Variants in GTPBP10 observed in about 807,000 individuals in gnomAD.
GTPBP10 encodes the protein GTP binding protein 10.
GTPBP10 carries 38 observed loss-of-function variants against 44.8 expected under a neutral mutation model. The observed-to-expected ratio is 0.85, with a 90% CI of 0.65 to 1.11. The LOEUF (loss-of-function observed/expected upper bound fraction) is 1.11, where lower values mean the gene tolerates loss of function less well. Among genes scored for constraint, GTPBP10 ranks in the 50% most tolerant of loss-of-function variants. GTPBP10 has a pLI of 0.00. For missense variants in GTPBP10, 462 were observed against 453.7 expected, an observed-to-expected ratio of 1.02 and a Z score of -0.17; for synonymous variants, 152 against 150.6, an observed-to-expected ratio of 1.01 and a Z score of -0.07.
rs1412011336 is a variant in GTPBP10 at position 90,385,913 on chromosome 7, C to T, written c.*759C>T. 1 of 152,074 alleles carries T rather than the reference C, an allele frequency of 6.6e-6. No individual in the cohort carries two copies. Among genetic ancestry groups the T allele is most frequent in the Non-Finnish European group, 1.5e-5 (1 of 68,028 alleles). 9.4% of individuals were successfully genotyped at this position (152,074 alleles called of 1,614,324 possible). A position where few individuals can be genotyped will look rare whatever the true frequency, so the allele number is the denominator to read the frequency against. ...TCTACTAAAAATATAAAAAATTAGCCAGGCATAGTGGCGCATGCCTGTTGT... is the reference window on the plus strand; with the variant it reads ...TCTACTAAAAATATAAAAAATTAGCTAGGCATAGTGGCGCATGCCTGTTGT... On this transcript the variant is annotated 3_prime_UTR_variant, in exon 10 of 10. Coordinates refer to ENST00000222511, the MANE Select transcript of GTPBP10 (RefSeq NM_033107.4).
intron 6 of GTPBP10, among the ~76,000 whole-genome samples, chr7:90,377,246 T>G (rs1796357198): frequency 6.6e-6 from 1 of 152,038 alleles, no homozygotes; most frequent in Non-Finnish European, 1.5e-5. Context: ...AATAAATAAA[T>G]AAACAAATGT....
chr7:90,352,466 C>A (rs1164132580), intron 1 of GTPBP10, among the ~76,000 whole-genome samples: 1 of 152,224 alleles, frequency 6.6e-6, no homozygotes, highest in East Asian at 1.9e-4. Flanking sequence ...AAATGTCTGA[C>A]AGATTGGACA....
At chr7:90,360,338 A>G (rs927219740) in intron 4 of GTPBP10, among the ~76,000 whole-genome samples, 1 of 152,206 alleles carries the variant, frequency 6.6e-6, no homozygotes, top group Non-Finnish European at 1.5e-5. Context: ...GAAGGGATCC[A>G]GTTTCAGCTT....
At chr7:90,363,084 A>T (rs1796060352) in intron 4 of GTPBP10, among the ~76,000 whole-genome samples, 1 of 151,686 alleles carries the variant, frequency 6.6e-6, no homozygotes, top group Non-Finnish European at 1.5e-5. Context: ...TTGACTCTTT[A>T]TCCAATTTGC....
Position 90,386,961 on chromosome 7 carries a change from T to C in GTPBP10, c.*1807T>C, listed in dbSNP as rs1187740932. The C allele has an allele frequency of 6.6e-6, 1 of 152,206 alleles. No homozygotes were observed. The highest frequency in any genetic ancestry group is 1.5e-5 in the Non-Finnish European group (1 of 68,040). The allele number at this position is 152,206 out of a possible 1,614,324, so 9.4% of individuals were successfully genotyped here. On this transcript the variant is annotated 3_prime_UTR_variant, in exon 10 of 10. Transcript: ENST00000222511. ...TACATTCTTGCAGAAATTTTTTATG[T>C]ATAAATTTTTACCCAAATGAATTCA...
rs1327902289 is a variant in GTPBP10 at position 90,388,020 on chromosome 7, A to C, written c.*2866A>C. The C allele has an allele frequency of 2.0e-5, 3 of 152,152 alleles. No individual in the cohort carries two copies. Among genetic ancestry groups the C allele is most frequent in the African/African-American group, 7.2e-5 (3 of 41,432 alleles). The allele number at this position is 152,152 out of a possible 1,614,324, so 9.4% of individuals were successfully genotyped here. A position where few individuals can be genotyped will look rare whatever the true frequency, so the allele number is the denominator to read the frequency against. On this transcript the variant is annotated 3_prime_UTR_variant, in exon 10 of 10. Transcript: ENST00000222511. ...GGGTAGTAGATGTGTGTTCAGGATTATTTGCTCTGTCAGTAGTGCCCAGGG... is the reference window on the plus strand; with the variant it reads ...GGGTAGTAGATGTGTGTTCAGGATTCTTTGCTCTGTCAGTAGTGCCCAGGG...
intron 1 of GTPBP10, 29 bp downstream of exon 1, chr7:90,346,803 C>T (rs199751157): frequency 6.2e-7 from 1 of 1,610,712 alleles, no homozygotes; most frequent in Non-Finnish European, 8.5e-7. Flanking sequence ...AGCCTGGTCC[C>T]CTTAGCGCTG....
chr7:90,368,584 G>A (rs1056336676), intron 4 of GTPBP10, among the ~76,000 whole-genome samples: 4 of 151,702 alleles, frequency 2.6e-5, no homozygotes, highest in Non-Finnish European at 5.9e-5. Flanking sequence ...TGATCCAGTC[G>A]GCTATTGAAG....
chr7:90,356,405 G>A (rs1030328570), intron 4 of GTPBP10, among the ~76,000 whole-genome samples: 1 of 152,290 alleles, frequency 6.6e-6, no homozygotes, highest in East Asian at 1.9e-4. Flanking sequence ...TTATGGACAA[G>A]ACTGGCAGTC....
rs201078754 is a variant in GTPBP10 at position 90,346,729 on chromosome 7, G to C, written c.-13G>C. 6.7e-5 allele frequency: 108 copies of C among 1,614,102 alleles called. No homozygotes were observed. The highest frequency in any genetic ancestry group is 8.3e-5 in the Non-Finnish European group (98 of 1,180,034). On this transcript the variant is annotated 5_prime_UTR_variant, in exon 1 of 10. Coordinates refer to ENST00000222511, the MANE Select transcript of GTPBP10 (RefSeq NM_033107.4). ...GCCGCTTCCGCAAGAAGGTTTCCTG[G>C]CCTGTTGCAGCCATGGTGCATTGCA...
At chr7:90,359,154 A>AT (rs869094830) in intron 4 of GTPBP10, among the ~76,000 whole-genome samples, 1 of 151,838 alleles carries the variant, frequency 6.6e-6, no homozygotes, top group South Asian at 2.1e-4. Flanking sequence ...ACTTAAAAAA[A>AT]TTTTTTTTAT....
At chr7:90,368,182 A>C (rs1796174805) in intron 4 of GTPBP10, among the ~76,000 whole-genome samples, 1 of 152,162 alleles carries the variant, frequency 6.6e-6, no homozygotes, top group Non-Finnish European at 1.5e-5. Flanking sequence ...CTTTGTGGGT[A>C]ACCGTACCTT....
chr7:90,348,972 C>T (rs1050990821), intron 1 of GTPBP10, among the ~76,000 whole-genome samples: 3 of 152,168 alleles, frequency 2.0e-5, no homozygotes, highest in Non-Finnish European at 4.4e-5. Context: ...CTGTTAATTC[C>T]TCTGGTTTGG....
chr7:90,375,732 T>C (rs1468614), intron 6 of GTPBP10, among the ~76,000 whole-genome samples: 37,872 of 151,804 alleles, frequency 0.25, 5,081 homozygotes, highest in African/African-American at 0.35. Context: ...CCCTGAATTA[T>C]TTATCTACAC....
chr7:90,366,158 C>T (rs537134922), intron 4 of GTPBP10, among the ~76,000 whole-genome samples: 33 of 152,174 alleles, frequency 2.2e-4, no homozygotes, highest in Middle Eastern at 6.8e-3. Flanking sequence ...CTGCTGGGTT[C>T]GGTTTGCCAG....
At position 90,391,209 on chromosome 7, in the gene GTPBP10, A is replaced by G. The variant is rs1796609672; in HGVS notation, c.*6055A>G. 1.3e-5 allele frequency: 2 copies of G among 152,180 alleles called. No homozygotes were observed. The highest frequency in any genetic ancestry group is 4.8e-5 in the African/African-American group (2 of 41,436). 9.4% of individuals were successfully genotyped at this position (152,180 alleles called of 1,614,324 possible). ...CAGAAAACTCCCCCATGATTTCCTC[A>G]TGTTGCTTAGAATAGTGTGTATTTC... On this transcript the variant is annotated 3_prime_UTR_variant, in exon 10 of 10. Coordinates refer to ENST00000222511, the MANE Select transcript of GTPBP10 (RefSeq NM_033107.4).
chr7:90,354,346 G>A (rs1287541310), intron 2 of GTPBP10, 112 bp from the exon 3 acceptor site: 14 of 468,812 alleles, frequency 3.0e-5, no homozygotes, highest in South Asian at 1.9e-4. Flanking sequence ...TAACATCTGC[G>A]TTAACCAGAG....
chr7:90,383,831 T>A (rs1796474618), intron 9 of GTPBP10: 1 of 152,204 alleles, frequency 6.6e-6, no homozygotes, highest in Admixed American at 6.5e-5. Context: ...GTTTTTATTC[T>A]TGGTAACAAT....
chr7:90,361,309 A>G (rs1196498912), intron 4 of GTPBP10, among the ~76,000 whole-genome samples: 1 of 152,188 alleles, frequency 6.6e-6, no homozygotes, highest in Non-Finnish European at 1.5e-5. Context: ...GATACGTTCC[A>G]TCAATGCTGA....
Sources: gnomAD v4.1 joint callset for allele counts (sites outside exome capture counted in the v4.1 genomes callset) on GRCh38, gnomAD v4.1.1 for gene constraint, MANE v1.5 for transcripts, NCBI Gene and HGNC (gene_info 2026-07-23, HGNC 2026-07-21) for gene names.